CUEDC1: variants seen among roughly 807,000 people sequenced by gnomAD.
CUEDC1 encodes the protein CUE domain-containing protein 1.
CUEDC1 carries 30 observed loss-of-function variants against 43.7 expected under a neutral mutation model. The observed-to-expected ratio is 0.69, with a 90% confidence interval of 0.51 to 0.93. CUEDC1 has a LOEUF of 0.93. Ranked by LOEUF, CUEDC1 falls within the 40% of genes least tolerant of loss-of-function variation. The pLI is 0.00. For missense variants in CUEDC1, 486 were observed against 549.0 expected, an observed-to-expected ratio of 0.89 and a Z score of 1.15; for synonymous variants, 223 against 223.6, an observed-to-expected ratio of 1.00 and a Z score of 0.02.
intron 1 of CUEDC1, among the ~76,000 whole-genome samples, chr17:57,890,486 T>A (rs1260763134): frequency 6.6e-6 from 1 of 152,190 alleles, no homozygotes; most frequent in African/African-American, 2.4e-5. Flanking sequence ...ACTGGGCTCA[T>A]CAGACCTCTC....
rs575121791 is a variant in CUEDC1, at chr17:57,954,207, A to G, written c.-316+1018T>C. ...CTGCGGGATCACCCAGGGAAGGCTC[A>G]TTCCTCTCGCTACAAGACGCTGACT... is the stretch of plus-strand genomic sequence containing the variant. On this transcript the variant is annotated intron_variant, in intron 1 of 10. Transcript: ENST00000577830. The surrounding 1 kb of genome is among the most constrained non-coding windows in gnomAD (Gnocchi z 4.3). 6.6e-6 allele frequency among the ~76,000 whole-genome samples: 1 copy of G among 152,276 alleles called. No homozygotes were observed. The highest frequency in any genetic ancestry group is 6.5e-5 in the Admixed American group (1 of 15,300).
intron 7 of CUEDC1, 106 bp from the exon 8 acceptor site, chr17:57,868,349 G>T: frequency 1.0e-6 from 1 of 959,296 alleles, no homozygotes; most frequent in Non-Finnish European, 1.7e-6. Context: ...CCCCCGGAGA[G>T]GGAGCAGGGG....
intron 10 of CUEDC1, among the ~76,000 whole-genome samples, chr17:57,864,635 C>T (rs1352254963): frequency 6.6e-6 from 1 of 152,102 alleles, no homozygotes; most frequent in Non-Finnish European, 1.5e-5. Context: ...GGCTGTCAGC[C>T]TGCAGTGGAT....
At chr17:57,935,434 G>A (rs2074852007) in intron 1 of CUEDC1, among the ~76,000 whole-genome samples, 1 of 148,648 alleles carries the variant, frequency 6.7e-6, no homozygotes, top group Non-Finnish European at 1.5e-5. Flanking sequence ...CTGTTGCCTA[G>A]AGACTGGACA....
intron 1 of CUEDC1, among the ~76,000 whole-genome samples, chr17:57,900,377 C>A (rs1321408144): frequency 1.3e-5 from 2 of 152,186 alleles, no homozygotes; most frequent in African/African-American, 4.8e-5. Flanking sequence ...GCAGAAACAG[C>A]CTGCTGCATC....
chr17:57,872,919 C>T, intron 4 of CUEDC1, 64 bp from the exon 5 acceptor site: 5 of 1,468,476 alleles, frequency 3.4e-6, no homozygotes, highest in Non-Finnish European at 4.7e-6. Context: ...CAAACGTCCA[C>T]ATCCCTCTGG....
At chr17:57,946,893 T>G (rs961716082) in intron 1 of CUEDC1, among the ~76,000 whole-genome samples, 9 of 152,126 alleles carry the variant, frequency 5.9e-5, no homozygotes, top group African/African-American at 2.2e-4. Context: ...CGCATCTTCT[T>G]CCTCTCTCTG....
chr17:57,881,405 AGAG>A (rs1246786952), intron 2 of CUEDC1, among the ~76,000 whole-genome samples: 3 of 152,046 alleles, frequency 2.0e-5, no homozygotes, highest in Non-Finnish European at 2.9e-5. Flanking sequence ...GAAAAAAGAG[AGAG>A]AACACTGTAA....
intron 1 of CUEDC1, among the ~76,000 whole-genome samples, chr17:57,905,244 T>C (rs2074516368): frequency 1.3e-5 from 1 of 75,900 alleles, no homozygotes; most frequent in African/African-American, 3.9e-5. Context: ...TCTCTCTCTC[T>C]CTCTGACACA....
intron 1 of CUEDC1, among the ~76,000 whole-genome samples, chr17:57,933,863 C>T (rs1342758578): frequency 3.3e-5 from 5 of 152,130 alleles, no homozygotes; most frequent in Non-Finnish European, 4.4e-5. Context: ...ACACCTCCTT[C>T]AAGACTCCCC....
chr17:57,922,782 G>A (rs1293961037), intron 1 of CUEDC1, among the ~76,000 whole-genome samples: 1 of 152,032 alleles, frequency 6.6e-6, no homozygotes, highest in Non-Finnish European at 1.5e-5. Context: ...CATCATGATC[G>A]CTGTCATTCC....
intron 1 of CUEDC1, among the ~76,000 whole-genome samples, chr17:57,947,401 G>A (rs76246651): frequency 0.018 from 2,750 of 152,308 alleles, 32 homozygotes; most frequent in Middle Eastern, 0.051. Flanking sequence ...TCTTCCAAGA[G>A]CAAGCTTTGT....
chr17:57,891,942 C>T (rs1323483369), intron 1 of CUEDC1, among the ~76,000 whole-genome samples: 1 of 152,204 alleles, frequency 6.6e-6, no homozygotes, highest in Non-Finnish European at 1.5e-5. Flanking sequence ...AATGTAAGCT[C>T]CATGAAGGCA....
intron 1 of CUEDC1, among the ~76,000 whole-genome samples, chr17:57,890,688 G>A (rs1222802159): frequency 1.3e-5 from 2 of 152,192 alleles, no homozygotes; most frequent in African/African-American, 2.4e-5. Flanking sequence ...GCATAAGCAC[G>A]CAGCCAAGGC....
At chr17:57,916,382 G>T (rs1313727107) in intron 1 of CUEDC1, among the ~76,000 whole-genome samples, 4 of 152,204 alleles carry the variant, frequency 2.6e-5, no homozygotes, top group African/African-American at 9.6e-5. Flanking sequence ...GCCCTGCACT[G>T]CCCCCTCCTC....
intron 1 of CUEDC1, among the ~76,000 whole-genome samples, chr17:57,907,425 CT>C (rs2074540373): frequency 6.6e-6 from 1 of 152,062 alleles, no homozygotes; most frequent in Admixed American, 6.6e-5. Context: ...GGATCATTCA[CT>C]CCACAGACGG....
chr17:57,898,046 C>A (rs778775072), intron 1 of CUEDC1, among the ~76,000 whole-genome samples: 1 of 152,228 alleles, frequency 6.6e-6, no homozygotes, highest in South Asian at 2.1e-4. Flanking sequence ...TAGAAAAAAT[C>A]TTAAGAAAGC....
At chr17:57,944,114 A>C (rs975446444) in intron 1 of CUEDC1, among the ~76,000 whole-genome samples, 3 of 152,094 alleles carry the variant, frequency 2.0e-5, no homozygotes, top group Non-Finnish European at 4.4e-5. Context: ...TGATTACATA[A>C]ATTAATATTC....
At chr17:57,898,441 G>A (rs542203988) in intron 1 of CUEDC1, among the ~76,000 whole-genome samples, 1 of 152,130 alleles carries the variant, frequency 6.6e-6, no homozygotes, top group East Asian at 1.9e-4. Flanking sequence ...GAGTGGTCAG[G>A]AGTTGGGCAG....
Sources: gnomAD v4.1 joint callset for allele counts (sites outside exome capture counted in the v4.1 genomes callset) on GRCh38, gnomAD v4.1.1 for gene constraint, Gnocchi (gnomAD v3.1) non-coding constraint, MANE v1.5 for transcripts, NCBI Gene and HGNC (gene_info 2026-07-23, HGNC 2026-07-21) for gene names.